Variants in ZNF536 observed in about 807,000 individuals in gnomAD.
ZNF536 encodes zinc finger protein 536.
A neutral mutation model predicts 84.5 loss-of-function variants in ZNF536; 13 were observed. The ratio of observed to expected loss-of-function variants is 0.15; its 90% CI spans 0.10 to 0.24. ZNF536 has a LOEUF of 0.24. Ranked by LOEUF, ZNF536 falls within the 10% of genes least tolerant of loss-of-function variation. The probability of loss-of-function intolerance (pLI) is 1.00; values close to 1 mark genes in which losing one functional copy is unlikely to be tolerated. For synonymous variants in ZNF536, 811 were observed against 742.5 expected (o/e 1.09, Z -1.50); for missense variants, 1,536 against 1,747.5 (o/e 0.88, Z 2.16).
At chr19:30,491,947 AC>A in intron 2 of ZNF536, among the ~76,000 whole-genome samples, 1 of 151,838 alleles carries the variant, frequency 6.6e-6, no homozygotes, top group African/African-American at 2.4e-5. Context: ...TTTCTCACTG[AC>A]TTTTGCTACA....
intron 3 of ZNF536, among the ~76,000 whole-genome samples, chr19:30,538,391 C>A (rs2045181273): frequency 1.3e-5 from 2 of 152,208 alleles, no homozygotes; most frequent in African/African-American, 4.8e-5. Flanking sequence ...TGTCCGACTG[C>A]ATCTTTATTG....
intron 1 of ZNF536, among the ~76,000 whole-genome samples, chr19:30,700,949 T>C (rs372177140): frequency 1.3e-5 from 2 of 152,132 alleles, no homozygotes; most frequent in Admixed American, 1.3e-4. Flanking sequence ...GCAGTGGCTG[T>C]TCTCAAGCCT....
intron 1 of ZNF536, among the ~76,000 whole-genome samples, chr19:30,442,948 A>G (rs1284872827): frequency 6.6e-6 from 1 of 151,892 alleles, no homozygotes; most frequent in African/African-American, 2.4e-5. Context: ...CCCTTTTATT[A>G]TTCTAAAGCC....
chr19:30,675,675 G>T (rs942759481), intron 1 of ZNF536, among the ~76,000 whole-genome samples: 1 of 152,122 alleles, frequency 6.6e-6, no homozygotes, highest in African/African-American at 2.4e-5. Context: ...TAATGAGTGC[G>T]CCCACTCTGA....
intron 1 of ZNF536, among the ~76,000 whole-genome samples, chr19:30,591,744 G>T (rs1000967434): frequency 3.9e-5 from 6 of 152,158 alleles, no homozygotes; most frequent in Non-Finnish European, 5.9e-5. Context: ...AATAGTTTGT[G>T]TTGGACTTTC....
intron 1 of ZNF536, among the ~76,000 whole-genome samples, chr19:30,386,958 A>G (rs1479850829): frequency 6.6e-6 from 1 of 152,238 alleles, no homozygotes; most frequent in East Asian, 1.9e-4. Context: ...GTCACAGCCT[A>G]TCAGCAATTT....
At chr19:30,452,306 C>CT (rs527404597) in intron 2 of ZNF536, among the ~76,000 whole-genome samples, 54 of 152,326 alleles carry the variant, frequency 3.5e-4, no homozygotes, top group African/African-American at 1.2e-3. Flanking sequence ...TGCCAGGTTG[C>CT]TTATCTTTCT....
intron 1 of ZNF536, among the ~76,000 whole-genome samples, chr19:30,699,485 T>A (rs2051803234): frequency 6.6e-6 from 1 of 152,174 alleles, no homozygotes; most frequent in Non-Finnish European, 1.5e-5. Flanking sequence ...CTAAATTTAT[T>A]TGTACTAAGG....
intron 1 of ZNF536, among the ~76,000 whole-genome samples, chr19:30,274,694 A>T (rs751698389): frequency 6.6e-6 from 1 of 152,140 alleles, no homozygotes; most frequent in Non-Finnish European, 1.5e-5. Flanking sequence ...TGGTGTATAG[A>T]CCATTTCGTC....
At chr19:30,323,685 CCTT>C (rs552507957) in intron 2 of ZNF536, among the ~76,000 whole-genome samples, 37 of 152,180 alleles carry the variant, frequency 2.4e-4, no homozygotes, top group Non-Finnish European at 4.3e-4. Context: ...AAGCCATCCT[CCTT>C]CTCATGGTTG....
chr19:30,631,736 G>A lies in ZNF536; in HGVS notation c.170-79021G>A, dbSNP rs562744429. 7.6e-4 allele frequency among the ~76,000 whole-genome samples: 116 copies of A among 152,304 alleles called. No individual in the cohort carries two copies. The East Asian group carries it at 0.01, about 13-fold the overall frequency. On this transcript the variant is annotated intron_variant, in intron 1 of 1. Coordinates refer to the ZNF536 transcript ENST00000592773. ...AGGCTCAGGACCTACTCCTGAGGCC[G>A]ACTGCTTCTGCGCTAACCCAAGCAT...
chr19:30,410,465 C>T lies in ZNF536; in HGVS notation c.-2-33096C>T, dbSNP rs866634276. Among the ~76,000 whole-genome samples, 280 of 122,504 alleles carry T rather than the reference C, an allele frequency of 2.3e-3. 1 individual carries two copies. Among genetic ancestry groups the T allele is most frequent in the African/African-American group, 5.8e-3 (144 of 24,936 alleles). 80.4% of individuals were successfully genotyped at this position (122,504 alleles called of 152,430 possible). A position where few individuals can be genotyped will look rare whatever the true frequency, so the allele number is the denominator to read the frequency against. On this transcript the variant is annotated intron_variant, in intron 1 of 4. Transcript: ENST00000355537. ...TAAATAAACAATGAAAAGTGAAGGT[C>T]TTTTTTTTTTTTTTTTTTTTTTTTT...
At chr19:30,326,832 G>C (rs986368267) in intron 2 of ZNF536, among the ~76,000 whole-genome samples, 13 of 44,022 alleles carry the variant, frequency 3.0e-4, no homozygotes, top group Non-Finnish European at 4.6e-4. Context: ...TTCTAGTTGG[G>C]CGCAGTAGCC....
rs182835865 is a variant in ZNF536 at position 30,671,923 on chromosome 19, G to A, written c.170-38834G>A. Among the ~76,000 whole-genome samples, 889 of 152,200 alleles carry A rather than the reference G, an allele frequency of 5.8e-3. 3 individuals carry two copies. The highest frequency in any genetic ancestry group is 9.4e-3 in the Non-Finnish European group (640 of 68,006). On this transcript the variant is annotated intron_variant, in intron 1 of 1. Transcript: ENST00000592773. ...AGGGTCTGTGGCCATTGGACTTGAG[G>A]CATCAAGACAGGCCCATCATCTACC... is the stretch of plus-strand genomic sequence containing the variant.
intron 2 of ZNF536, among the ~76,000 whole-genome samples, chr19:30,307,107 G>A (rs1179671333): frequency 6.6e-6 from 1 of 152,070 alleles, no homozygotes; most frequent in African/African-American, 2.4e-5. Flanking sequence ...TTACTTAGAA[G>A]GATGTAATTT....
chr19:30,493,550 T>C (rs900883448), intron 2 of ZNF536, among the ~76,000 whole-genome samples: 3 of 152,180 alleles, frequency 2.0e-5, no homozygotes, highest in Non-Finnish European at 4.4e-5. Context: ...AACAAATCCA[T>C]AATTTGGAAC....
exon 2 of ZNF536, chr19:30,711,274 C>T (rs1235182535): frequency 3.3e-5 from 5 of 152,018 alleles, no homozygotes; most frequent in African/African-American, 1.2e-4. Flanking sequence ...TTCTTGGTGC[C>T]CTCTGAGCTG....
chr19:30,369,820 A>AG (rs1456017442), upstream of ZNF536, among the ~76,000 whole-genome samples: 1 of 149,100 alleles, frequency 6.7e-6, no homozygotes, highest in Non-Finnish European at 1.5e-5. Flanking sequence ...TTAGATTAAG[A>AG]GAAAAAAAAA....
chr19:30,459,464 C>T lies in ZNF536; in HGVS notation c.2170+13732C>T, dbSNP rs193076193. On this transcript the variant is annotated intron_variant, in intron 2 of 4. Coordinates refer to ENST00000355537, the MANE Select transcript of ZNF536 (RefSeq NM_014717.3). ...TTTCCCGGTTCAAGTGATTCTCCCA[C>T]TTCAGCCTCCCAAGTAGCTGGGACT... Among the ~76,000 whole-genome samples, 33 of 151,880 alleles carry T rather than the reference C, an allele frequency of 2.2e-4. 1 individual carries two copies. Among genetic ancestry groups the T allele is most frequent in the African/African-American group, 6.8e-4 (28 of 41,402 alleles).
Sources: gnomAD v4.1 joint callset for allele counts (sites outside exome capture counted in the v4.1 genomes callset) on GRCh38, gnomAD v4.1.1 for gene constraint, MANE v1.5 for transcripts, NCBI Gene and HGNC (gene_info 2026-07-23, HGNC 2026-07-21) for gene names.